The following ZNF232 variants were observed in gnomAD, a reference collection of about 807,000 sequenced individuals.
The protein encoded by ZNF232 is zinc finger and SCAN domain-containing protein 11.
ZNF232 carries 25 observed loss-of-function variants against 25.2 expected under a neutral mutation model. That is an observed-to-expected ratio of 0.99 (90% CI 0.72 to 1.39). The LOEUF is 1.39. Ranked by LOEUF, ZNF232 falls within the 40% of genes most tolerant of loss-of-function variation. ZNF232 has a pLI of 0.00. For missense variants in ZNF232, 519 were observed against 520.9 expected (o/e 1.00, Z 0.04); for synonymous variants, 193 against 182.9 (o/e 1.06, Z -0.45).
intron 2 of ZNF232, 107 bp downstream of exon 2, chr17:5,109,287 T>C (rs763190687): frequency 9.4e-6 from 13 of 1,385,044 alleles, no homozygotes; most frequent in African/African-American, 4.3e-5. Flanking sequence ...CTGCTCTACC[T>C]GGCCCAAGAG....
chr17:5,121,227 C>G lies in ZNF232; in HGVS notation c.-530+1750G>C, dbSNP rs557331080. On this transcript the variant is annotated intron_variant, in intron 1 of 4. Coordinates refer to the ZNF232 transcript ENST00000250076. ...AGAGCAGGCTGAATTCCTCCAAGGT[C>G]CAACGTGGGTGCAGAGGGTCTTTGT... is the stretch of plus-strand genomic sequence containing the variant. 73 of 393,034 alleles carry G rather than the reference C, an allele frequency of 1.9e-4. No individual in the cohort carries two copies. The Admixed American group carries it at 1.9e-3, about 10-fold the overall frequency. The allele number at this position is 393,034 out of a possible 1,614,324, so 24.3% of individuals were successfully genotyped here. A position where few individuals can be genotyped will look rare whatever the true frequency, so the allele number is the denominator to read the frequency against.
intron 3 of ZNF232, among the ~76,000 whole-genome samples, chr17:5,106,864 C>T (rs963859997): frequency 3.9e-5 from 6 of 152,022 alleles, no homozygotes; most frequent in African/African-American, 1.2e-4. Flanking sequence ...AAGGGAAAAA[C>T]ATGAAAGAAT....
Position 5,107,257 on chromosome 17 carries a change from G to A in ZNF232, c.626-751C>T, listed in dbSNP as rs549739007. Among the ~76,000 whole-genome samples the A allele has an allele frequency of 2.0e-5, 3 of 151,398 alleles. No homozygotes were observed. The East Asian group carries it at 6.0e-4, about 30-fold the overall frequency. On this transcript the variant is annotated intron_variant, in intron 3 of 3. Transcript: ENST00000575898. ...CAGAAAATTAGCCGAGCATGATGGC[G>A]GGCGCCTGTAGTCCCAGCTACTCAG...
chr17:5,116,198 C>T (rs1006448776), upstream of ZNF232, among the ~76,000 whole-genome samples: 1 of 152,206 alleles, frequency 6.6e-6, no homozygotes, highest in African/African-American at 2.4e-5. Context: ...CAGGAGGGGC[C>T]GCGGGCAGCG....
chr17:5,105,816 C>G (rs759756679), exon 4 of ZNF232: 9 of 1,563,474 alleles, frequency 5.8e-6, no homozygotes, highest in Non-Finnish European at 1.7e-6. Context: ...GACGTTCTCC[C>G]CTTCAATTCA....
intron 1 of ZNF232, chr17:5,120,824 T>C (rs2072637869): frequency 2.2e-6 from 1 of 453,378 alleles, no homozygotes; most frequent in Admixed American, 2.4e-5. Context: ...TGCACACATG[T>C]GGGCACATGT....
At chr17:5,110,311 C>T (rs1449590765) in intron 1 of ZNF232, among the ~76,000 whole-genome samples, 1 of 152,146 alleles carries the variant, frequency 6.6e-6, no homozygotes, top group Non-Finnish European at 1.5e-5. Flanking sequence ...TTCTGCTGCA[C>T]TAAGTCAATG....
At chr17:5,119,704 A>T (rs1318682740) in intron 1 of ZNF232, among the ~76,000 whole-genome samples, 1 of 152,170 alleles carries the variant, frequency 6.6e-6, no homozygotes, top group African/African-American at 2.4e-5. Flanking sequence ...AGAACACACA[A>T]TGCTAATTAT....
intron 1 of ZNF232, among the ~76,000 whole-genome samples, chr17:5,119,293 C>T (rs2072599662): frequency 6.6e-6 from 1 of 152,188 alleles, no homozygotes; most frequent in Non-Finnish European, 1.5e-5. Context: ...AGACTGCTCC[C>T]TAACAGGTAG....
chr17:5,111,534 A>G (rs1178368857), intron 1 of ZNF232: 15 of 535,594 alleles, frequency 2.8e-5, no homozygotes, highest in Non-Finnish European at 4.2e-5. Flanking sequence ...CGTCCAGGCC[A>G]GGTACAACTC....
intron 1 of ZNF232, among the ~76,000 whole-genome samples, chr17:5,119,842 G>A (rs917427913): frequency 3.3e-5 from 5 of 152,252 alleles, no homozygotes; most frequent in African/African-American, 9.6e-5. Flanking sequence ...CTTTTGACCC[G>A]TGAAGAAACT....
At chr17:5,114,042 G>A (rs988440823), upstream of ZNF232, 7 of 152,184 alleles carry the variant, frequency 4.6e-5, no homozygotes, top group African/African-American at 1.7e-4. Context: ...CACTGAATCA[G>A]ATGAAAATTG....
At chr17:5,120,625 A>G (rs1477929753) in intron 1 of ZNF232, 1 of 375,288 alleles carries the variant, frequency 2.7e-6, no homozygotes, top group Non-Finnish European at 5.2e-6. Context: ...CTCTCTGCCC[A>G]GGAAATGAAG....
At chr17:5,120,802 T>C (rs1597952955) in intron 1 of ZNF232, 4 of 450,796 alleles carry the variant, frequency 8.9e-6, no homozygotes, top group East Asian at 1.4e-4. Context: ...GGTGGCCATA[T>C]GTAAGCAGGT....
At chr17:5,116,435 T>G (rs1462817664), upstream of ZNF232, 1 of 151,850 alleles carries the variant, frequency 6.6e-6, no homozygotes, top group Admixed American at 6.6e-5. Context: ...CTGGCCCATG[T>G]GAGCCGCCGT....
rs746030681 is a variant in ZNF232 at position 5,109,577 on chromosome 17, A to G, written c.315T>C (p.Cys105=). ...TGTGTTTCTCTGGCCTCAGCCACTC[A>G]CAGCAGAGTACTCGTAGTTGGCTCA... Residue 105 remains cysteine, a synonymous_variant, in exon 2 of 4, where the codon TGT becomes TGC. Transcript: ENST00000575898. The G allele has an allele frequency of 1.9e-6, 3 of 1,614,156 alleles. No homozygotes were observed. In the Admixed American group the frequency reaches 5.0e-5, roughly 27 times the overall value.
At chr17:5,121,189 T>C (rs2072652725) in intron 1 of ZNF232, among the ~76,000 whole-genome samples, 2 of 152,208 alleles carry the variant, frequency 1.3e-5, no homozygotes, top group Middle Eastern at 3.4e-3. Flanking sequence ...GGGTAAGAAA[T>C]GCAAACAACC....
chr17:5,121,200 G>A (rs915770476), intron 1 of ZNF232, among the ~76,000 whole-genome samples: 8 of 152,178 alleles, frequency 5.3e-5, no homozygotes, highest in African/African-American at 1.4e-4. Context: ...GCAAACAACC[G>A]CAGAGCAGGC....
At chr17:5,106,318 C>T (rs1333008078) in exon 4 of ZNF232, 1 of 1,614,242 alleles carries the variant, frequency 6.2e-7, no homozygotes, top group South Asian at 1.1e-5. Context: ...TCCTCCTGGG[C>T]AGGGGACCAC....
Sources: gnomAD v4.1 joint callset for allele counts (sites outside exome capture counted in the v4.1 genomes callset) on GRCh38, gnomAD v4.1.1 for gene constraint, MANE v1.5 for transcripts, NCBI Gene and HGNC (gene_info 2026-07-23, HGNC 2026-07-21) for gene names.